The following NAALADL2 variants were observed in gnomAD, a reference collection of about 807,000 sequenced individuals.
NAALADL2 encodes the protein N-acetylated alpha-linked acidic dipeptidase like 2, also known as inactive N-acetylated-alpha-linked acidic dipeptidase-like protein 2.
Under a neutral mutation model 87.2 loss-of-function variants are expected in NAALADL2, and 76 were observed. The ratio of observed to expected loss-of-function variants is 0.87; its 90% CI spans 0.72 to 1.05. The LOEUF (loss-of-function observed/expected upper bound fraction) is 1.05, where lower values mean the gene tolerates loss of function less well. Among genes scored for constraint, NAALADL2 ranks in the 50% least tolerant of loss-of-function variants. The pLI is 0.00. For synonymous variants in NAALADL2, 354 were observed against 331.0 expected (o/e 1.07, Z -0.75); for missense variants, 1,089 against 945.8 (o/e 1.15, Z -1.99).
At chr3:174,453,769 A>G (rs944971000) in intron 1 of NAALADL2, among the ~76,000 whole-genome samples, 2 of 152,230 alleles carry the variant, frequency 1.3e-5, no homozygotes, top group Non-Finnish European at 2.9e-5. Context: ...GAAGCACTAC[A>G]TGCAGAAAGG....
At chr3:175,465,430 A>G (rs1201267363) in intron 7 of NAALADL2, among the ~76,000 whole-genome samples, 2 of 150,448 alleles carry the variant, frequency 1.3e-5, no homozygotes, top group East Asian at 3.9e-4. Flanking sequence ...GGTTTTTAAC[A>G]TTTGCAGACA....
chr3:175,059,873 G>T, intron 1 of NAALADL2: 1 of 335,748 alleles, frequency 3.0e-6, no homozygotes. Context: ...TACCAACATA[G>T]GGCAAGACAC....
chr3:174,865,991 A>G (rs1053675938), intron 1 of NAALADL2, among the ~76,000 whole-genome samples: 1 of 151,962 alleles, frequency 6.6e-6, no homozygotes, highest in Non-Finnish European at 1.5e-5. Context: ...ATTTGTATAC[A>G]AAATATATGC....
chr3:174,625,059 T>TC (rs1560101452), intron 2 of NAALADL2, among the ~76,000 whole-genome samples: 79 of 23,236 alleles, frequency 3.4e-3, no homozygotes, highest in African/African-American at 0.026. Flanking sequence ...CTCTCTCTCT[T>TC]TTTTTTTTTT....
chr3:175,094,119 GTT>G (rs1233314795), intron 1 of NAALADL2, among the ~76,000 whole-genome samples: 1 of 125,082 alleles, frequency 8.0e-6, no homozygotes, highest in Non-Finnish European at 1.9e-5. Flanking sequence ...ACGATTCAAT[GTT>G]TTTTAAAAAA....
rs1463983712 is a variant in NAALADL2 at position 175,366,079 on chromosome 3, A to G, written c.1090+41754A>G. On this transcript the variant is annotated intron_variant, in intron 5 of 13. Coordinates refer to ENST00000454872, the MANE Select transcript of NAALADL2 (RefSeq NM_207015.3). ...TGTGTCCATGTGTTCTCATTGTTCAATTCCCATCTGTGAGTGAGAACATGC... is the reference window on the plus strand; with the variant it reads ...TGTGTCCATGTGTTCTCATTGTTCAGTTCCCATCTGTGAGTGAGAACATGC... Among the ~76,000 whole-genome samples the G allele has an allele frequency of 4.3e-5, 5 of 116,702 alleles. 1 individual carries two copies. Among genetic ancestry groups the G allele is most frequent in the African/African-American group, 9.7e-5 (3 of 31,042 alleles). The allele number at this position is 116,702 out of a possible 152,430, so 76.6% of individuals were successfully genotyped here.
In NAALADL2 at chr3:175,207,885, A is replaced by G. The variant is rs188622829; in HGVS notation, c.546-26046A>G. Reference sequence around the variant, plus strand: ...AAAGGAGTGGACTTTGCTGTAGAGGAAAAAGAAACTGATTAGGCCACTGAT... The same window carrying G: ...AAAGGAGTGGACTTTGCTGTAGAGGGAAAAGAAACTGATTAGGCCACTGAT... On this transcript the variant is annotated intron_variant, in intron 2 of 13. Coordinates refer to ENST00000454872, the MANE Select transcript of NAALADL2 (RefSeq NM_207015.3). 1.5e-3 allele frequency among the ~76,000 whole-genome samples: 228 copies of G among 152,276 alleles called. 1 individual carries two copies. Among genetic ancestry groups the G allele is most frequent in the African/African-American group, 5.3e-3 (221 of 41,566 alleles).
At chr3:174,817,099 TGA>T (rs1188808437) in intron 3 of NAALADL2, among the ~76,000 whole-genome samples, 1 of 152,154 alleles carries the variant, frequency 6.6e-6, no homozygotes, top group Non-Finnish European at 1.5e-5. Context: ...TGGAAGTGTG[TGA>T]GTGTTTGGAT....
At position 175,627,381 on chromosome 3, in the gene NAALADL2, A is replaced by G. The variant is rs775529401; in HGVS notation, c.1891A>G (p.Thr631Ala). The stretch of plus-strand genomic sequence containing the variant: ...CTCTTTCAACCTTCATGAAACCATT[A>G]CTAAGGTAGGGGAGAAATGCATTCA... ...DPSFNLHETI[T>A]KLSGEVILQI... Residue 631 changes from threonine to alanine, a missense_variant, in exon 11 of 14, where the codon ACT (threonine) becomes GCT (alanine). Coordinates refer to ENST00000454872, the MANE Select transcript of NAALADL2 (RefSeq NM_207015.3). 1 of 1,546,650 alleles carries G rather than the reference A, an allele frequency of 6.5e-7. No homozygotes were observed. The highest frequency in any genetic ancestry group is 8.8e-7 in the Non-Finnish European group (1 of 1,140,040).
At chr3:175,485,782 G>A (rs553145413) in intron 9 of NAALADL2, among the ~76,000 whole-genome samples, 21 of 152,186 alleles carry the variant, frequency 1.4e-4, no homozygotes, top group African/African-American at 4.8e-4. Flanking sequence ...ATCTCCTTTG[G>A]CAACACCCTC....
chr3:175,271,539 C>T (rs1398655908), intron 4 of NAALADL2, among the ~76,000 whole-genome samples: 1 of 152,156 alleles, frequency 6.6e-6, no homozygotes, highest in African/African-American at 2.4e-5. Context: ...CATCTGTAAT[C>T]CCAGCACTTT....
At chr3:174,518,780 C>T (rs1040396523) in intron 1 of NAALADL2, among the ~76,000 whole-genome samples, 1 of 152,068 alleles carries the variant, frequency 6.6e-6, no homozygotes, top group Non-Finnish European at 1.5e-5. Flanking sequence ...ATAGGTAAAC[C>T]ATTAAAAAGT....
chr3:174,696,844 A>G (rs893457759), intron 2 of NAALADL2, among the ~76,000 whole-genome samples: 1 of 152,046 alleles, frequency 6.6e-6, no homozygotes, highest in Non-Finnish European at 1.5e-5. Flanking sequence ...TAACTCCTCA[A>G]CATGGCTCAT....
At chr3:175,370,291 A>G (rs1766296721) in intron 5 of NAALADL2, among the ~76,000 whole-genome samples, 1 of 152,178 alleles carries the variant, frequency 6.6e-6, no homozygotes, top group Non-Finnish European at 1.5e-5. Context: ...TTAAATATCA[A>G]ATTTTAATAA....
intron 2 of NAALADL2, among the ~76,000 whole-genome samples, chr3:174,711,340 C>T (rs1730610935): frequency 2.0e-5 from 3 of 152,266 alleles, no homozygotes; most frequent in Non-Finnish European, 4.4e-5. Context: ...AATTTTCCAT[C>T]CCTCCACCCA....
chr3:174,769,940 G>A (rs1714315807), intron 3 of NAALADL2, among the ~76,000 whole-genome samples: 1 of 151,670 alleles, frequency 6.6e-6, no homozygotes, highest in Non-Finnish European at 1.5e-5. Flanking sequence ...CATATTTTTG[G>A]CATAAGATAG....
chr3:175,668,690 A>C (rs562392326), intron 11 of NAALADL2, among the ~76,000 whole-genome samples: 1 of 152,254 alleles, frequency 6.6e-6, no homozygotes, highest in South Asian at 2.1e-4. Flanking sequence ...TTTCTCCTCA[A>C]CAGCTTTGCC....
At chr3:175,703,738 A>G (rs1739298899) in intron 11 of NAALADL2, among the ~76,000 whole-genome samples, 1 of 152,164 alleles carries the variant, frequency 6.6e-6, no homozygotes. Context: ...GCGAGACTCC[A>G]TCTCAAAAAA....
intron 3 of NAALADL2, among the ~76,000 whole-genome samples, chr3:175,246,642 C>A (rs1748030789): frequency 6.6e-6 from 1 of 152,116 alleles, no homozygotes; most frequent in African/African-American, 2.4e-5. Flanking sequence ...CTTTTAATTA[C>A]TGTTTTATTT....
Sources: allele counts gnomAD v4.1 joint callset (sites outside exome capture counted in the v4.1 genomes callset), GRCh38; gene constraint gnomAD v4.1.1; transcripts MANE v1.5; gene names NCBI Gene and HGNC (gene_info 2026-07-23, HGNC 2026-07-21).